The following SFMBT2 variants were observed in gnomAD, a reference collection of about 807,000 sequenced individuals.
SFMBT2 encodes the protein Scm like with four mbt domains 2.
In SFMBT2, 38 loss-of-function variants were observed where a neutral mutation model predicts 110.1. That is an observed-to-expected ratio of 0.35 (90% CI 0.27 to 0.45). SFMBT2 has a LOEUF of 0.45. Ranked by LOEUF, SFMBT2 falls within the 20% of genes least tolerant of loss-of-function variation. The pLI is 1.00. For missense variants in SFMBT2, 1,011 were observed against 1,094.9 expected, an observed-to-expected ratio of 0.92 and a Z score of 1.08; for synonymous variants, 425 against 425.4, an observed-to-expected ratio of 1.00 and a Z score of 0.01.
chr10:7,246,105 C>T (rs113814960), intron 8 of SFMBT2: 15,046 of 971,404 alleles, frequency 0.015, 117 homozygotes, highest in Non-Finnish European at 0.018. Flanking sequence ...GCACATACCC[C>T]AATCCATGTG....
intron 7 of SFMBT2, among the ~76,000 whole-genome samples, chr10:7,272,147 C>T (rs1057223641): frequency 3.9e-5 from 6 of 152,148 alleles, no homozygotes; most frequent in African/African-American, 7.2e-5. Flanking sequence ...GCAGCTTGAT[C>T]GTACCCTAGA....
intron 7 of SFMBT2, among the ~76,000 whole-genome samples, chr10:7,273,540 T>C (rs1254075862): frequency 1.3e-5 from 2 of 152,198 alleles, no homozygotes; most frequent in South Asian, 2.1e-4. Context: ...TTGTTACATA[T>C]GTATACATGT....
intron 4 of SFMBT2, among the ~76,000 whole-genome samples, chr10:7,356,813 G>A (rs895372305): frequency 1.3e-5 from 2 of 152,186 alleles, no homozygotes; most frequent in Admixed American, 6.5e-5. Flanking sequence ...GTGGGTACCT[G>A]TAGAGTGATA....
intron 4 of SFMBT2, among the ~76,000 whole-genome samples, chr10:7,310,995 C>A (rs1373293699): frequency 3.6e-5 from 5 of 138,484 alleles, no homozygotes; most frequent in African/African-American, 1.3e-4. Context: ...TGCAGTGAGC[C>A]AAGATCGTGC....
chr10:7,332,576 C>T (rs1368782682), intron 4 of SFMBT2, among the ~76,000 whole-genome samples: 1 of 152,126 alleles, frequency 6.6e-6, no homozygotes. Flanking sequence ...TCACTTCCTC[C>T]CCGACCCAGC....
intron 1 of SFMBT2, among the ~76,000 whole-genome samples, chr10:7,400,331 T>C (rs1846039725): frequency 6.6e-6 from 1 of 152,088 alleles, no homozygotes; most frequent in Admixed American, 6.5e-5. Flanking sequence ...AAGGACCAAA[T>C]CCCAAGCTTC....
chr10:7,384,232 A>AAC (rs1554812973), intron 1 of SFMBT2, among the ~76,000 whole-genome samples: 8 of 149,972 alleles, frequency 5.3e-5, no homozygotes, highest in African/African-American at 1.7e-4. Context: ...AAAAAAAAAA[A>AAC]AAAAAACAAC....
intron 11 of SFMBT2, among the ~76,000 whole-genome samples, chr10:7,217,046 T>TA (rs1839565923): frequency 6.6e-6 from 1 of 152,260 alleles, no homozygotes; most frequent in African/African-American, 2.4e-5. Context: ...AAGCATTATT[T>TA]ATGATTGATA....
chr10:7,197,714 G>A, intron 14 of SFMBT2, 27 bp from the exon 15 acceptor site: 14 of 1,610,314 alleles, frequency 8.7e-6, no homozygotes, highest in Non-Finnish European at 1.1e-5. Flanking sequence ...CATAGTCCAT[G>A]CTTAGGACCA....
chr10:7,211,841 A>G (rs77639622), intron 11 of SFMBT2, among the ~76,000 whole-genome samples: 9,243 of 152,238 alleles, frequency 0.061, 377 homozygotes, highest in Admixed American at 0.087. Context: ...CCAGTTACGG[A>G]AAAACTTAAG....
At chr10:7,202,987 T>C in intron 12 of SFMBT2, 1 of 985,434 alleles carries the variant, frequency 1.0e-6, no homozygotes, top group Non-Finnish European at 1.2e-6. Flanking sequence ...GGAGAACCAG[T>C]AGCTCGCAAA....
intron 1 of SFMBT2, among the ~76,000 whole-genome samples, chr10:7,401,132 T>TA (rs545287283): frequency 3.2e-4 from 48 of 148,692 alleles, no homozygotes; most frequent in Middle Eastern, 3.4e-3. Flanking sequence ...GACTCCGTCA[T>TA]AAAAAAAAAA....
chr10:7,305,881 G>A (rs1400158619), intron 4 of SFMBT2, among the ~76,000 whole-genome samples: 1 of 152,234 alleles, frequency 6.6e-6, no homozygotes, highest in Non-Finnish European at 1.5e-5. Context: ...AGCAGGAACA[G>A]TGTGGGGAAG....
At chr10:7,183,821 C>G (rs181015006) in intron 16 of SFMBT2, among the ~76,000 whole-genome samples, 38 of 152,292 alleles carry the variant, frequency 2.5e-4, no homozygotes, top group African/African-American at 8.9e-4. Context: ...TGACGAAAGC[C>G]TTTGCTCCCA....
At chr10:7,249,993 T>C (rs151209779) in intron 7 of SFMBT2, among the ~76,000 whole-genome samples, 3 of 152,258 alleles carry the variant, frequency 2.0e-5, no homozygotes, top group African/African-American at 7.2e-5. Context: ...ACTCTAAATA[T>C]TTACAAATTC....
At chr10:7,203,636 T>A (rs186438050) in intron 12 of SFMBT2, 1 of 970,006 alleles carries the variant, frequency 1.0e-6, no homozygotes, top group East Asian at 1.1e-4. Context: ...ACAGAGGGGA[T>A]TGGAACCCCA....
chr10:7,323,737 C>G (rs958966488), intron 4 of SFMBT2, among the ~76,000 whole-genome samples: 1 of 152,084 alleles, frequency 6.6e-6, no homozygotes, highest in East Asian at 1.9e-4. Flanking sequence ...AAAGAAAGTA[C>G]ATATTGATAA....
chr10:7,205,674 C>A (rs574724776), intron 12 of SFMBT2, 141 bp downstream of exon 12: 1 of 1,396,686 alleles, frequency 7.2e-7, no homozygotes, highest in East Asian at 2.7e-5. Context: ...TAAGCGAGAT[C>A]ATGAAAACAT....
intron 6 of SFMBT2, among the ~76,000 whole-genome samples, chr10:7,279,885 T>A (rs1394354461): frequency 1.3e-5 from 2 of 152,248 alleles, no homozygotes; most frequent in African/African-American, 4.8e-5. Context: ...CTCCAGGTCC[T>A]ATCCAGTGAA....
Sources: gnomAD v4.1 joint callset for allele counts (sites outside exome capture counted in the v4.1 genomes callset) on GRCh38, gnomAD v4.1.1 for gene constraint, MANE v1.5 for transcripts, NCBI Gene and HGNC (gene_info 2026-07-23, HGNC 2026-07-21) for gene names.